KNL1: variants seen among roughly 807,000 people sequenced by gnomAD.
KNL1 encodes kinetochore scaffold 1, also known as outer kinetochore KNL1 complex subunit KNL1.
KNL1 carries 66 observed loss-of-function variants against 201.3 expected under a neutral mutation model. That is an observed-to-expected ratio of 0.33 (90% CI 0.27 to 0.40). The LOEUF is 0.40. Among genes scored for constraint, KNL1 ranks in the 10% least tolerant of loss-of-function variants. KNL1 has a pLI of 1.00. For synonymous variants in KNL1, 895 were observed against 899.2 expected (o/e 1.00, Z 0.08); for missense variants, 2,815 against 2,690.5 (o/e 1.05, Z -1.02).
intron 24 of KNL1, among the ~76,000 whole-genome samples, chr15:40,658,217 G>T (rs1040017569): frequency 3.3e-5 from 5 of 151,740 alleles, no homozygotes; most frequent in African/African-American, 1.2e-4. Flanking sequence ...AGTGAGCTGA[G>T]ATTTTGCCAC....
rs569446574 is a variant in KNL1, at chr15:40,645,528, A to G, written c.5890-128A>G. 7.6e-5 allele frequency: 38 copies of G among 497,016 alleles called. 2 individuals carry two copies. The South Asian group carries it at 1.5e-3, about 19-fold the overall frequency. The allele number at this position is 497,016 out of a possible 1,614,324, so 30.8% of individuals were successfully genotyped here. A position where few individuals can be genotyped will look rare whatever the true frequency, so the allele number is the denominator to read the frequency against. ...ATCTTTTTTCTGGTCTTAGACAATT[A>G]CATGGAATTAAATTTGCAAATGACA... On this transcript the variant is annotated intron_variant, in intron 15 of 25. Coordinates refer to ENST00000399668, the MANE Select transcript of KNL1 (RefSeq NM_144508.5).
intron 7 of KNL1, 124 bp from the exon 8 acceptor site, chr15:40,615,217 C>T: frequency 2.8e-6 from 1 of 359,578 alleles, no homozygotes; most frequent in Non-Finnish European, 5.2e-6. Context: ...AAAAAGATGT[C>T]TTTATAATTT....
chr15:40,644,399 G>A (rs1435493177), intron 14 of KNL1, among the ~76,000 whole-genome samples: 2 of 152,214 alleles, frequency 1.3e-5, no homozygotes, highest in Admixed American at 1.3e-4. Flanking sequence ...TCGAACAAAT[G>A]TACAATCGAG....
chr15:40,623,558 C>G lies in KNL1; in HGVS notation c.3294C>G (p.Asn1098Lys). The G allele has an allele frequency of 6.2e-7, 1 of 1,613,552 alleles. No homozygotes were observed. The highest frequency in any genetic ancestry group is 1.1e-5 in the South Asian group (1 of 91,076). ...AGAGTTGTATGGTGGAAATAGATAA[C>G]GAAAGTGCCCTGGAGGATAAAGAGG... ...ITQSCMVEID[N>K]ESALEDKEDF... Residue 1098 changes from asparagine to lysine, a missense_variant, in exon 10 of 26, where the codon AAC (asparagine) becomes AAG (lysine). Asn to Lys is a moderately conservative substitution (Grantham distance 94). This residue lies in a region of KNL1 where 2,464 missense variants were observed against 2,291.7 expected (regional missense o/e 1.08). Transcript: ENST00000399668.
At chr15:40,611,605 A>C (rs2141707143) in intron 7 of KNL1, 94 bp downstream of exon 7, 1 of 168,592 alleles carries the variant, frequency 5.9e-6, no homozygotes, top group Admixed American at 6.6e-5. Flanking sequence ...CTTAGGATTA[A>C]TTCAGAAAAC....
Position 40,659,422 on chromosome 15 carries a change from C to T in KNL1, c.6797C>T (p.Pro2266Leu). The T allele has an allele frequency of 6.2e-7, 1 of 1,613,776 alleles. No homozygotes were observed. Among genetic ancestry groups the T allele is most frequent in the Non-Finnish European group, 8.5e-7 (1 of 1,179,706 alleles). The stretch of plus-strand genomic sequence containing the variant: ...CTCTCAGCCTATTATCCATCTGTAC[C>T]ATTACCTTCCACCATTCAGAATCAC... ...LFLSAYYPSV[P>L]LPSTIQNHVG... Residue 2266 changes from proline (P) to leucine (L), a missense_variant, in exon 25 of 26, where the codon CCA becomes CTA. Physicochemically the swap from Pro to Leu is moderately conservative, Grantham distance 98. Transcript: ENST00000399668.
chr15:40,619,656 G>A (rs1892452048), intron 9 of KNL1, among the ~76,000 whole-genome samples: 1 of 152,032 alleles, frequency 6.6e-6, no homozygotes, highest in South Asian at 2.1e-4. Context: ...TTTCTGCCTT[G>A]GCTTCTCAAA....
chr15:40,631,981 C>T (rs1173534725), intron 13 of KNL1, among the ~76,000 whole-genome samples: 1 of 150,386 alleles, frequency 6.6e-6, no homozygotes, highest in African/African-American at 2.5e-5. Context: ...TGCCCTCCAG[C>T]CTGGTCAACA....
intron 13 of KNL1, among the ~76,000 whole-genome samples, chr15:40,629,970 C>CT (rs34656297): frequency 0.39 from 58,943 of 151,804 alleles, 11,627 homozygotes; most frequent in Middle Eastern, 0.47. Flanking sequence ...CTAACATGGG[C>CT]TTTTTCCTCC....
intron 1 of KNL1, among the ~76,000 whole-genome samples, chr15:40,594,937 T>C (rs1342542891): frequency 6.6e-6 from 1 of 152,240 alleles, no homozygotes; most frequent in Non-Finnish European, 1.5e-5. Context: ...GAAGTCAATA[T>C]TAGTACTGCG....
chr15:40,658,933 A>T (rs1893821352), intron 24 of KNL1, among the ~76,000 whole-genome samples: 1 of 134,020 alleles, frequency 7.5e-6, no homozygotes, highest in African/African-American at 2.7e-5. Context: ...CCATCTCAAA[A>T]AAAAAAAAAG....
At chr15:40,615,957 G>A (rs529954490) in intron 8 of KNL1, 2 of 130,924 alleles carry the variant, frequency 1.5e-5, no homozygotes, top group African/African-American at 5.8e-5. Flanking sequence ...AGTAGAGACA[G>A]GGTTTTACCA....
At position 40,623,889 on chromosome 15, in the gene KNL1, C is replaced by G. The variant is rs1486801799; in HGVS notation, c.3625C>G (p.Gln1209Glu). 1.2e-6 allele frequency: 2 copies of G among 1,613,326 alleles called. No individual in the cohort carries two copies. The highest frequency in any genetic ancestry group is 2.2e-5 in the East Asian group (1 of 44,876). The change falls in exon 10 of 26, where the codon CAA (glutamine) becomes GAA (glutamate). Residue 1209 changes from glutamine to glutamate, a missense_variant. Physicochemically the swap from Gln to Glu is conservative, Grantham distance 29 (BLOSUM62 2). Coordinates refer to ENST00000399668, the MANE Select transcript of KNL1 (RefSeq NM_144508.5). ...VSFPKDNSCV[Q>E]EIAEKQALAV... is the part of the protein sequence containing the mutation. ...CTTTCCTAAGGATAATAGCTGTGTT[C>G]AAGAAATCGCTGAAAAACAAGCACT...
rs1555418613 is a variant in KNL1, at chr15:40,604,116, T to TACC, written c.36-993_36-992insCCA. Among the ~76,000 whole-genome samples, 152 of 149,544 alleles carry TACC rather than the reference T, an allele frequency of 1.0e-3. 1 individual carries two copies. Among genetic ancestry groups the TACC allele is most frequent in the Non-Finnish European group, 1.9e-3 (125 of 67,366 alleles). Reference sequence around the variant, plus strand: ...TCCTACCTCAAGACCCTGTCTCACATATCATCATCATCATCATCATCATCA... The same window carrying TACC: ...TCCTACCTCAAGACCCTGTCTCACATACCATCATCATCATCATCATCATCATCA... On this transcript the variant is annotated intron_variant, in intron 2 of 25. Transcript: ENST00000399668.
At chr15:40,634,603 A>G (rs1197114819) in intron 13 of KNL1, among the ~76,000 whole-genome samples, 2 of 152,140 alleles carry the variant, frequency 1.3e-5, no homozygotes, top group Admixed American at 6.5e-5. Flanking sequence ...CATTACCATG[A>G]TAGCTGCCAG....
At position 40,621,887 on chromosome 15, in the gene KNL1, T is replaced by A. The variant is rs1469138156; in HGVS notation, c.1623T>A (p.His541Gln). ...ATGTAAATTGTAACTCAGTTCCTCA[T>A]GTATCTAAGGAAAGAATACAGCAGA... ...KMNVNCNSVP[H>Q]VSKERIQQSL... is the part of the protein sequence containing the mutation. Residue 541 changes from histidine (H) to glutamine (Q), a missense_variant, in exon 10 of 26, where the codon CAT (histidine) becomes CAA (glutamine). This residue lies in a region of KNL1 where 2,464 missense variants were observed against 2,291.7 expected (regional missense o/e 1.08). Coordinates refer to ENST00000399668, the MANE Select transcript of KNL1 (RefSeq NM_144508.5). 1.2e-6 allele frequency: 2 copies of A among 1,613,998 alleles called. No homozygotes were observed. Among genetic ancestry groups the A allele is most frequent in the Non-Finnish European group, 1.7e-6 (2 of 1,179,896 alleles).
chr15:40,656,522 A>C (rs1893738978), intron 22 of KNL1, among the ~76,000 whole-genome samples: 1 of 152,228 alleles, frequency 6.6e-6, no homozygotes, highest in South Asian at 2.1e-4. Flanking sequence ...TATATGTGAT[A>C]AAGTCTTGAG....
At chr15:40,596,869 G>A (rs572095898) in intron 1 of KNL1, among the ~76,000 whole-genome samples, 5 of 151,524 alleles carry the variant, frequency 3.3e-5, no homozygotes, top group South Asian at 2.1e-4. Flanking sequence ...GCGTGGTGGC[G>A]CATGCCTGTA....
chr15:40,645,786 G>C lies in KNL1; in HGVS notation c.6006+14G>C, dbSNP rs762630401. 2.3e-6 allele frequency: 3 copies of C among 1,306,292 alleles called. No individual in the cohort carries two copies. Among genetic ancestry groups the C allele is most frequent in the East Asian group, 4.9e-5 (2 of 41,216 alleles). The allele number at this position is 1,306,292 out of a possible 1,614,324, so 80.9% of individuals were successfully genotyped here. A position where few individuals can be genotyped will look rare whatever the true frequency, so the allele number is the denominator to read the frequency against. ...CAGTCAGCTCAGGTAATTTGAGACA[G>C]TTAATATCATAGAAAGAGAGAGATA... On this transcript the variant is annotated intron_variant, in intron 16 of 25. Coordinates refer to ENST00000399668, the MANE Select transcript of KNL1 (RefSeq NM_144508.5).
Sources: gnomAD v4.1 joint callset for allele counts (sites outside exome capture counted in the v4.1 genomes callset) on GRCh38, gnomAD v4.1.1 for gene constraint, gnomAD v4.1.1 regional missense constraint, MANE v1.5 for transcripts, NCBI Gene and HGNC (gene_info 2026-07-23, HGNC 2026-07-21) for gene names.